PMP22: variants seen among roughly 807,000 people sequenced by gnomAD.
PMP22 encodes peripheral myelin protein 22, also known as Charcot-Marie-Tooth neuropathy 1A (greatly reduced nerve conduction velocity, hereditary motor sensory neuropathy Ia).
Under a neutral mutation model 18.9 loss-of-function variants are expected in PMP22, and 2 were observed. That is an observed-to-expected ratio of 0.11 (90% CI 0.04 to 0.33). The LOEUF is 0.33. Ranked by LOEUF, PMP22 falls within the 10% of genes least tolerant of loss-of-function variation. The pLI is 1.00. For missense variants in PMP22, 169 were observed against 202.2 expected (o/e 0.84, Z 1.00); for synonymous variants, 95 against 89.2 (o/e 1.07, Z -0.37).
At chr17:15,247,640 T>G (rs992363746) in intron 3 of PMP22, among the ~76,000 whole-genome samples, 1 of 152,176 alleles carries the variant, frequency 6.6e-6, no homozygotes, top group Non-Finnish European at 1.5e-5. Flanking sequence ...CCTAGTGAGT[T>G]AAGGGCTCAG....
chr17:15,250,628 A>T lies in PMP22; in HGVS notation c.178+8466T>A, dbSNP rs1043315873. ...GTTACACACCAGTTGCTCAAGCCCA[A>T]AACGTAGAGTCATCTAGAATCATTC... On this transcript the variant is annotated intron_variant, in intron 3 of 4. Coordinates refer to ENST00000312280, the MANE Select transcript of PMP22 (RefSeq NM_000304.4). 5.3e-5 allele frequency among the ~76,000 whole-genome samples: 8 copies of T among 152,272 alleles called. No homozygotes were observed. In the South Asian group the frequency reaches 1.2e-3, roughly 24 times the overall value.
chr17:15,237,395 T>A (rs1906906710), intron 4 of PMP22, among the ~76,000 whole-genome samples: 1 of 152,218 alleles, frequency 6.6e-6, no homozygotes, highest in Non-Finnish European at 1.5e-5. Flanking sequence ...GTACTGGCTA[T>A]CCCAAGGAGC....
At chr17:15,244,022 G>T (rs1029508757) in intron 3 of PMP22, among the ~76,000 whole-genome samples, 1 of 151,874 alleles carries the variant, frequency 6.6e-6, no homozygotes, top group Non-Finnish European at 1.5e-5. Context: ...TATTCATTTG[G>T]TAAAACATAA....
chr17:15,229,905 G>A lies in PMP22; in HGVS notation c.*1012C>T. On this transcript the variant is annotated 3_prime_UTR_variant, in exon 5 of 5. Coordinates refer to ENST00000312280, the MANE Select transcript of PMP22 (RefSeq NM_000304.4). ...GAAGGGCACCATATATACATCTACAGTTGGTGGCCAATACAAGTCATTGCC... is the reference window on the plus strand; with the variant it reads ...GAAGGGCACCATATATACATCTACAATTGGTGGCCAATACAAGTCATTGCC... 6.6e-6 allele frequency: 1 copy of A among 152,658 alleles called. No homozygotes were observed. The highest frequency in any genetic ancestry group is 1.5e-5 in the Non-Finnish European group (1 of 68,072). The allele number at this position is 152,658 out of a possible 1,614,324, so 9.5% of individuals were successfully genotyped here. A position where few individuals can be genotyped will look rare whatever the true frequency, so the allele number is the denominator to read the frequency against.
intron 1 of PMP22, among the ~76,000 whole-genome samples, chr17:15,262,921 C>T (rs148047400): frequency 1.3e-5 from 2 of 152,138 alleles, no homozygotes; most frequent in African/African-American, 4.8e-5. Flanking sequence ...CTGGGCCCGC[C>T]GACGCCGACC....
intron 3 of PMP22, among the ~76,000 whole-genome samples, chr17:15,253,688 C>T (rs981265873): frequency 1.3e-5 from 2 of 152,106 alleles, no homozygotes; most frequent in African/African-American, 4.8e-5. Context: ...CTGCCCTGCC[C>T]TCTGTCCCTC....
intron 3 of PMP22, among the ~76,000 whole-genome samples, chr17:15,251,119 A>G (rs943336634): frequency 1.3e-5 from 2 of 152,006 alleles, no homozygotes; most frequent in African/African-American, 4.8e-5. Flanking sequence ...CAGCTAACTC[A>G]GGGCCTTGGT....
chr17:15,237,756 C>T (rs1414531249), intron 4 of PMP22, among the ~76,000 whole-genome samples: 2 of 152,094 alleles, frequency 1.3e-5, no homozygotes, highest in Admixed American at 1.3e-4. Flanking sequence ...AAATAACGAG[C>T]CTGTACAAAT....
intron 4 of PMP22, 27 bp downstream of exon 4, chr17:15,239,444 A>G: frequency 6.2e-7 from 1 of 1,613,920 alleles, no homozygotes; most frequent in Non-Finnish European, 8.5e-7. Context: ...CCCCGCTTCC[A>G]CATGGACTTT....
At chr17:15,239,986 GAC>G (rs1597608825) in intron 3 of PMP22, among the ~76,000 whole-genome samples, 1 of 151,920 alleles carries the variant, frequency 6.6e-6, no homozygotes, top group African/African-American at 2.4e-5. Context: ...ACAAATACGT[GAC>G]ACACACATAT....
chr17:15,239,920 AC>A (rs1377777769), intron 3 of PMP22, among the ~76,000 whole-genome samples: 1 of 152,260 alleles, frequency 6.6e-6, no homozygotes, highest in East Asian at 1.9e-4. Context: ...ACCTATATGT[AC>A]AAATATGCAT....
intron 3 of PMP22, among the ~76,000 whole-genome samples, chr17:15,257,488 T>A (rs889277727): frequency 3.9e-5 from 6 of 152,224 alleles, no homozygotes; most frequent in African/African-American, 1.4e-4. Flanking sequence ...CACCAAAGCC[T>A]GCCCTTTTCG....
chr17:15,260,210 TC>T (rs1909194529), intron 2 of PMP22: 1 of 261,046 alleles, frequency 3.8e-6, no homozygotes, highest in Non-Finnish European at 7.6e-6. Flanking sequence ...TGAACTCTTT[TC>T]CAGAAAAGCC....
chr17:15,235,106 C>T (rs1906683709), intron 4 of PMP22: 8 of 658,338 alleles, frequency 1.2e-5, no homozygotes, highest in East Asian at 8.2e-5. Context: ...AGGCATTCGC[C>T]ACCACACCTG....
At chr17:15,263,396 A>G (rs1019959825) in intron 1 of PMP22, among the ~76,000 whole-genome samples, 1 of 152,136 alleles carries the variant, frequency 6.6e-6, no homozygotes, top group Non-Finnish European at 1.5e-5. Flanking sequence ...CAGCTGATTC[A>G]TAGCCTCCTA....
intron 2 of PMP22, among the ~76,000 whole-genome samples, chr17:15,259,481 C>T (rs1295958696): frequency 2.6e-5 from 4 of 152,134 alleles, no homozygotes; most frequent in African/African-American, 9.7e-5. Context: ...CCCAGCATCT[C>T]GGGATCATTC....
intron 2 of PMP22, among the ~76,000 whole-genome samples, chr17:15,259,971 G>T (rs1342897574): frequency 6.7e-6 from 1 of 149,334 alleles, no homozygotes; most frequent in African/African-American, 2.5e-5. Context: ...GAAAAGAAAA[G>T]AAAACGAAAA....
chr17:15,244,416 TA>T (rs1462374016), intron 3 of PMP22, among the ~76,000 whole-genome samples: 1 of 152,178 alleles, frequency 6.6e-6, no homozygotes, highest in Non-Finnish European at 1.5e-5. Flanking sequence ...TTTTTGCCAT[TA>T]AAAGTAGTTT....
rs1460602770 is a variant in PMP22 at position 15,231,063 on chromosome 17, C to T, written c.337G>A (p.Ala113Thr). 5.0e-6 allele frequency: 8 copies of T among 1,613,478 alleles called. No individual in the cohort carries two copies. The highest frequency in any genetic ancestry group is 1.1e-5 in the South Asian group (1 of 91,060). ...QILAGLCVMS[A>T]AAIYTVRHPE... The stretch of plus-strand genomic sequence containing the variant: ...TGCCTCACCGTGTAGATGGCCGCAG[C>T]ACTCATCACGCACAGACCTGGGGAA... The change falls in exon 5 of 5, where the codon GCT becomes ACT. Residue 113 changes from alanine to threonine, a missense_variant. By Grantham distance (58) the Ala-to-Thr change is moderately conservative. Coordinates refer to ENST00000312280, the MANE Select transcript of PMP22 (RefSeq NM_000304.4).
Sources: gnomAD v4.1 joint callset for allele counts (sites outside exome capture counted in the v4.1 genomes callset) on GRCh38, gnomAD v4.1.1 for gene constraint, MANE v1.5 for transcripts, NCBI Gene and HGNC (gene_info 2026-07-23, HGNC 2026-07-21) for gene names.